FCSK: variants seen among roughly 807,000 people sequenced by gnomAD.
The protein encoded by FCSK is fucose kinase.
Under a neutral mutation model 122.5 loss-of-function variants are expected in FCSK, and 123 were observed. That is an observed-to-expected ratio of 1.00 (90% confidence interval 0.87 to 1.17). The LOEUF (loss-of-function observed/expected upper bound fraction) is 1.17, where lower values mean the gene tolerates loss of function less well. FCSK is among the 50% of genes most tolerant of loss of function. The pLI is 0.00. For synonymous variants in FCSK, 620 were observed against 625.5 expected (o/e 0.99, Z 0.13); for missense variants, 1,366 against 1,450.4 (o/e 0.94, Z 0.95).
At chr16:70,472,504 G>A (rs1414726416) in intron 13 of FCSK, 37 bp from the exon 14 acceptor site, 1 of 1,564,272 alleles carries the variant, frequency 6.4e-7, no homozygotes, top group Non-Finnish European at 8.8e-7. Flanking sequence ...CTTTCCTGTG[G>A]CCCCTGCAGC....
rs1219554287 is a variant in FCSK at position 70,473,576 on chromosome 16, G to A, written c.1777+223G>A. ...CCTTGTCAGTGGGGTTTGGTCAGAG[G>A]TTGAGGCCTGGCAGCTGAGCTCTAG... On this transcript the variant is annotated intron_variant, in intron 15 of 23. Coordinates refer to ENST00000288078, the MANE Select transcript of FCSK (RefSeq NM_145059.3). This position sits in a 1 kb window ranked among gnomAD's most constrained non-coding sequence, Gnocchi z 4.9. 6.6e-6 allele frequency among the ~76,000 whole-genome samples: 1 copy of A among 152,182 alleles called. No homozygotes were observed. The highest frequency in any genetic ancestry group is 1.5e-5 in the Non-Finnish European group (1 of 68,014).
rs1428742108 is a variant in FCSK, at chr16:70,463,786, C to T, written c.234+12C>T. 28 of 1,599,666 alleles carry T rather than the reference C, an allele frequency of 1.8e-5. No homozygotes were observed. The highest frequency in any genetic ancestry group is 5.2e-5 in the Admixed American group (3 of 57,548). ...GGGCAGGCTTCACTGTGAGTGCTCA[C>T]CAGGGCCACCTCCCTGGTCTGTGTC... On this transcript the variant is annotated intron_variant, in intron 3 of 23. Transcript: ENST00000288078.
Position 70,479,237 on chromosome 16 carries a change from T to C in FCSK, c.2987T>C (p.Met996Thr), listed in dbSNP as rs186359879. The part of the protein sequence containing the change: ...LTSYWEQKKL[M>T]APGCEPLTVR... The stretch of plus-strand genomic sequence containing the variant: ...TCGTACTGGGAGCAGAAGAAGCTCA[T>C]GGCTCCAGGCTGTGAGCCCCTGACT... The change falls in exon 23 of 24, where the codon ATG becomes ACG. Residue 996 changes from methionine (M) to threonine (T), a missense_variant. Coordinates refer to ENST00000288078, the MANE Select transcript of FCSK (RefSeq NM_145059.3). The C allele has an allele frequency of 2.8e-5, 45 of 1,613,874 alleles. No homozygotes were observed. The Middle Eastern group carries it at 8.3e-4, about 30-fold the overall frequency.
intron 1 of FCSK, among the ~76,000 whole-genome samples, chr16:70,460,644 C>T (rs1286014633): frequency 1.3e-5 from 2 of 152,168 alleles, no homozygotes; most frequent in Non-Finnish European, 2.9e-5. Flanking sequence ...ACCTCGTGAT[C>T]TGCCCGCCTT....
intron 1 of FCSK, among the ~76,000 whole-genome samples, chr16:70,460,301 C>T (rs527854308): frequency 2.6e-5 from 4 of 151,096 alleles, no homozygotes; most frequent in Admixed American, 1.3e-4. Context: ...TTAGTAGAGA[C>T]GGGGTTTCAC....
At position 70,473,120 on chromosome 16, in the gene FCSK, G is replaced by T; in HGVS notation, c.1544G>T (p.Gly515Val). The change falls in exon 15 of 24, where the codon GGG (glycine) becomes GTG (valine). Residue 515 changes from glycine to valine, a missense_variant. Transcript: ENST00000288078. This position sits in a 1 kb window ranked among gnomAD's most constrained non-coding sequence, Gnocchi z 4.9. ...TGGATGCTGGACCACCAGGAGGATG[G>T]GGGCGAGGCCCTGCGAGCCTGGCGG... is the stretch of plus-strand genomic sequence containing the variant. ...LLWMLDHQED[G>V]GEALRAWRAS... The T allele has an allele frequency of 6.3e-7, 1 of 1,580,150 alleles. No individual in the cohort carries two copies.
At position 70,478,623 on chromosome 16, in the gene FCSK, G is replaced by A. The variant is rs75025318; in HGVS notation, c.2902G>A (p.Glu968Lys). The A allele has an allele frequency of 6.8e-6, 11 of 1,613,732 alleles. No homozygotes were observed. The African/African-American group carries it at 1.2e-4, about 18-fold the overall frequency. ...QNAHSLVRQT[E>K]ECAEGFRQGS... ...TGCCCACAGCCTGGTACGGCAAACTGAGGAGTGTGCTGAAGGCTTCCGCCA... is the reference window on the plus strand; with the variant it reads ...TGCCCACAGCCTGGTACGGCAAACTAAGGAGTGTGCTGAAGGCTTCCGCCA... The change falls in exon 22 of 24, where the codon GAG becomes AAG. Residue 968 changes from glutamate to lysine, a missense_variant. Coordinates refer to ENST00000288078, the MANE Select transcript of FCSK (RefSeq NM_145059.3).
intron 1 of FCSK, among the ~76,000 whole-genome samples, chr16:70,460,542 C>T (rs561584955): frequency 3.7e-4 from 56 of 151,960 alleles, no homozygotes; most frequent in African/African-American, 1.3e-3. Context: ...GTAGCTGGGA[C>T]TACAGGCACG....
intron 1 of FCSK, among the ~76,000 whole-genome samples, chr16:70,460,013 G>T (rs954531828): frequency 6.6e-6 from 1 of 151,772 alleles, no homozygotes; most frequent in African/African-American, 2.4e-5. Flanking sequence ...TGTTGGCCAG[G>T]CTGGTCTCAA....
intron 22 of FCSK, 68 bp downstream of exon 22, chr16:70,478,718 C>A: frequency 7.7e-7 from 1 of 1,296,044 alleles, no homozygotes; most frequent in Non-Finnish European, 1.1e-6. Context: ...GGGTTTGAGG[C>A]CAGGGTCATC....
rs750647720 is a variant in FCSK, at chr16:70,470,378, C to T, written c.1020C>T (p.Leu340=). 4.3e-6 allele frequency: 7 copies of T among 1,613,932 alleles called. No homozygotes were observed. Among genetic ancestry groups the T allele is most frequent in the Middle Eastern group, 1.7e-4 (1 of 6,060 alleles). Reference sequence around the variant, plus strand: ...CAGCCAGTGAGTTCCTGCTCAGCCTCACACTCCCCGGGGCTCCTGGGGCCC... The same window carrying T: ...CAGCCAGTGAGTTCCTGCTCAGCCTTACACTCCCCGGGGCTCCTGGGGCCC... ...TSSASEFLLS[L]TLPGAPGAQI... The change falls in exon 11 of 24, where the codon CTC becomes CTT. Residue 340 remains leucine (L), a synonymous_variant. Coordinates refer to ENST00000288078, the MANE Select transcript of FCSK (RefSeq NM_145059.3).
rs1333177078 is a variant in FCSK at position 70,467,866 on chromosome 16, CTGTTTCTCCCTGCACATAGGGCCTTGTTT to C, written c.583-17_594del. The C allele has an allele frequency of 6.2e-7, 1 of 1,607,682 alleles. No individual in the cohort carries two copies. Among genetic ancestry groups the C allele is most frequent in the African/African-American group, 1.3e-5 (1 of 74,786 alleles). On this transcript the variant is annotated splice_acceptor_variant and splice_polypyrimidine_tract_variant and coding_sequence_variant and intron_variant, in exon 8 of 24. Coordinates refer to ENST00000288078, the MANE Select transcript of FCSK (RefSeq NM_145059.3). LOFTEE classifies it high-confidence loss of function. ...TCCCTTCCTGCTCCCTCCGCTGATT[CTGTTTCTCCCTGCACATAGGGCCTTGTTT>C]TGGACATTTACTACCAGGGCACTGA... is the stretch of plus-strand genomic sequence containing the variant.
chr16:70,459,486 T>A (rs1447891314), intron 1 of FCSK, among the ~76,000 whole-genome samples: 1 of 151,936 alleles, frequency 6.6e-6, no homozygotes, highest in Non-Finnish European at 1.5e-5. Context: ...TACAGTGAGC[T>A]GAGATTGTAC....
At chr16:70,455,840 C>T (rs1018262852) in intron 1 of FCSK, among the ~76,000 whole-genome samples, 4 of 150,294 alleles carry the variant, frequency 2.7e-5, no homozygotes, top group African/African-American at 9.8e-5. Flanking sequence ...TGCAGTGAGC[C>T]GAGATCGCGC....
intron 1 of FCSK, among the ~76,000 whole-genome samples, chr16:70,455,171 G>C (rs1475901807): frequency 6.6e-6 from 1 of 152,208 alleles, no homozygotes; most frequent in East Asian, 1.9e-4. Flanking sequence ...AAAATGTGCA[G>C]TCCCTGACCC....
intron 1 of FCSK, among the ~76,000 whole-genome samples, chr16:70,455,098 C>T (rs913751576): frequency 5.9e-5 from 9 of 152,214 alleles, no homozygotes; most frequent in Non-Finnish European, 1.2e-4. Context: ...TTCTTTCGGT[C>T]TGTTATTTAG....
intron 18 of FCSK, 83 bp from the exon 19 acceptor site, chr16:70,475,267 C>A: frequency 6.5e-7 from 1 of 1,527,054 alleles, no homozygotes. Context: ...GAGTCCCGCA[C>A]TGGGCTGGGA....
At chr16:70,465,494 A>G (rs1181303933) in intron 4 of FCSK, among the ~76,000 whole-genome samples, 6 of 151,958 alleles carry the variant, frequency 3.9e-5, no homozygotes, top group Non-Finnish European at 8.8e-5. Context: ...CCTCATCTCT[A>G]TAAGAAATAC....
intron 1 of FCSK, among the ~76,000 whole-genome samples, chr16:70,459,245 AAAG>A (rs2048187759): frequency 6.6e-6 from 1 of 151,800 alleles, no homozygotes; most frequent in Non-Finnish European, 1.5e-5. Context: ...AAAAAGTAAA[AAAG>A]ACAATAAAAA....
Sources: allele counts gnomAD v4.1 joint callset (sites outside exome capture counted in the v4.1 genomes callset), GRCh38; gene constraint gnomAD v4.1.1; non-coding constraint Gnocchi (gnomAD v3.1); transcripts MANE v1.5; gene names NCBI Gene and HGNC (gene_info 2026-07-23, HGNC 2026-07-21).